Variants in RAPH1 observed in about 807,000 individuals in gnomAD.
RAPH1 encodes ras-associated and pleckstrin homology domains-containing protein 1.
RAPH1 carries 18 observed loss-of-function variants against 88.1 expected under a neutral mutation model. The observed-to-expected ratio is 0.20, with a 90% CI of 0.14 to 0.30. The LOEUF is 0.30. Ranked by LOEUF, RAPH1 falls within the 10% of genes least tolerant of loss-of-function variation. The pLI, the probability that RAPH1 is intolerant of heterozygous loss-of-function variation, is 1.00. For synonymous variants in RAPH1, 587 were observed against 559.0 expected, an observed-to-expected ratio of 1.05 and a Z score of -0.71; for missense variants, 1,448 against 1,543.2, an observed-to-expected ratio of 0.94 and a Z score of 1.03.
chr2:203,503,437 A>G (rs1000036707), intron 1 of RAPH1, among the ~76,000 whole-genome samples: 10 of 152,156 alleles, frequency 6.6e-5, no homozygotes, highest in African/African-American at 2.4e-4. Context: ...AACCCATGAT[A>G]AACCCATCAG....
intron 1 of RAPH1, among the ~76,000 whole-genome samples, chr2:203,518,223 G>T (rs1297969486): frequency 1.3e-5 from 2 of 152,088 alleles, no homozygotes; most frequent in Non-Finnish European, 2.9e-5. Context: ...GAAAATAAAA[G>T]AATACTATAA....
intron 1 of RAPH1, among the ~76,000 whole-genome samples, chr2:203,503,083 G>T (rs1167653915): frequency 6.6e-6 from 1 of 152,216 alleles, no homozygotes; most frequent in East Asian, 1.9e-4. Flanking sequence ...GGTAGAGGTT[G>T]CAGTGAGCCA....
At chr2:203,496,095 C>T (rs1476107050) in intron 1 of RAPH1, among the ~76,000 whole-genome samples, 19 of 152,112 alleles carry the variant, frequency 1.2e-4, no homozygotes, top group African/African-American at 1.9e-4. Flanking sequence ...TGGTGGCTCA[C>T]GCCTGTAATT....
chr2:203,508,729 A>G (rs1245230872), intron 1 of RAPH1, among the ~76,000 whole-genome samples: 1 of 152,176 alleles, frequency 6.6e-6, no homozygotes, highest in Non-Finnish European at 1.5e-5. Flanking sequence ...AAAAAGAAAA[A>G]AGTCTTTACC....
At chr2:203,523,577 A>G (rs566975930) in intron 1 of RAPH1, among the ~76,000 whole-genome samples, 1 of 152,298 alleles carries the variant, frequency 6.6e-6, no homozygotes, top group African/African-American at 2.4e-5. Flanking sequence ...CAAGGAGAAA[A>G]TATGGAAATA....
rs367612228 is a variant in RAPH1 at position 203,440,389 on chromosome 2, G to A, written c.2801C>T (p.Pro934Leu). The A allele has an allele frequency of 1.1e-5, 17 of 1,579,038 alleles. No individual in the cohort carries two copies. The highest frequency in any genetic ancestry group is 1.5e-5 in the Non-Finnish European group (17 of 1,161,962). ...SLVFPPPPPS[P>L]VPAPPPPPPP... ...AGGTGGTGGTGGTGGGGCTGGGACAGGTGATGGGGGTGGAGGAGGAAACAC... is the reference window on the plus strand; with the variant it reads ...AGGTGGTGGTGGTGGGGCTGGGACAAGTGATGGGGGTGGAGGAGGAAACAC... The change falls in exon 14 of 14, where the codon CCT becomes CTT. Residue 934 changes from proline to leucine, a missense_variant. Pro to Leu is a moderately conservative substitution (Grantham distance 98, BLOSUM62 -3). Coordinates refer to ENST00000319170, the MANE Select transcript of RAPH1 (RefSeq NM_213589.3).
At chr2:203,501,952 C>G (rs1271659447) in intron 1 of RAPH1, among the ~76,000 whole-genome samples, 1 of 152,200 alleles carries the variant, frequency 6.6e-6, no homozygotes, top group Non-Finnish European at 1.5e-5. Flanking sequence ...CCTCAGCCTC[C>G]CTGAGTAGCT....
chr2:203,443,147 G>A (rs978247002), intron 13 of RAPH1: 4 of 152,042 alleles, frequency 2.6e-5, no homozygotes, highest in Non-Finnish European at 4.4e-5. Flanking sequence ...TCTTCCCTGC[G>A]GGAGCCCAGT....
At position 203,491,193 on chromosome 2, in the gene RAPH1, T is replaced by G. The variant is rs1284014442; in HGVS notation, c.226+21A>C. ...GTGACTTAGCATACTATTTTACATT[T>G]TATTTCCAATTACATCTTACCATTC... On this transcript the variant is annotated intron_variant, in intron 3 of 13. Coordinates refer to ENST00000319170, the MANE Select transcript of RAPH1 (RefSeq NM_213589.3). The G allele has an allele frequency of 2.0e-6, 3 of 1,518,358 alleles. No homozygotes were observed. In the African/African-American group the frequency reaches 4.1e-5, roughly 21 times the overall value. The allele number at this position is 1,518,358 out of a possible 1,614,324, so 94.1% of individuals were successfully genotyped here.
chr2:203,520,867 T>G (rs1689836380), intron 1 of RAPH1, among the ~76,000 whole-genome samples: 1 of 152,108 alleles, frequency 6.6e-6, no homozygotes, highest in Non-Finnish European at 1.5e-5. Flanking sequence ...GCAATACCAC[T>G]TCTAAGTGTC....
At chr2:203,478,537 T>C (rs889206243) in intron 4 of RAPH1, among the ~76,000 whole-genome samples, 4 of 151,846 alleles carry the variant, frequency 2.6e-5, no homozygotes, top group Admixed American at 2.6e-4. Flanking sequence ...TCGCTCGGGC[T>C]GGACTGCAGT....
chr2:203,506,812 C>CTATATATCTA lies in RAPH1; in HGVS notation c.1-11469_1-11460dup, dbSNP rs1553630464. ...TATATATCTATATATATATCTATAT[C>CTATATATCTA]TATATATCTATATATATATCTATAT... On this transcript the variant is annotated intron_variant, in intron 1 of 13. Transcript: ENST00000319170. Among the ~76,000 whole-genome samples, 43 of 52,216 alleles carry CTATATATCTA rather than the reference C, an allele frequency of 8.2e-4. 4 individuals carry two copies. The highest frequency in any genetic ancestry group is 2.4e-3 in the African/African-American group (23 of 9,396). The allele number at this position is 52,216 out of a possible 152,430, so 34.3% of individuals were successfully genotyped here.
chr2:203,482,238 TACA>T (rs1687763604), intron 4 of RAPH1, among the ~76,000 whole-genome samples: 2 of 152,126 alleles, frequency 1.3e-5, no homozygotes, highest in Non-Finnish European at 2.9e-5. Flanking sequence ...CAGGCTGGAG[TACA>T]GTGGCATCAT....
intron 1 of RAPH1, among the ~76,000 whole-genome samples, chr2:203,517,506 C>G (rs1353486402): frequency 6.6e-6 from 1 of 152,002 alleles, no homozygotes; most frequent in Non-Finnish European, 1.5e-5. Context: ...ATAACACCAT[C>G]AATCACCTGG....
At chr2:203,517,359 C>CAAAAAAAAAA (rs71408943) in intron 1 of RAPH1, among the ~76,000 whole-genome samples, 67 of 32,096 alleles carry the variant, frequency 2.1e-3, no homozygotes, top group East Asian at 3.3e-3. Context: ...CTATGAGAGG[C>CAAAAAAAAAA]AAAAAAAAAA....
intron 4 of RAPH1, among the ~76,000 whole-genome samples, chr2:203,480,465 G>A (rs1054838312): frequency 6.6e-6 from 1 of 152,216 alleles, no homozygotes; most frequent in Non-Finnish European, 1.5e-5. Flanking sequence ...CGAGAATTGC[G>A]TGAACCCAGG....
rs1177514043 is a variant in RAPH1, at chr2:203,506,835, T to G, written c.1-11482A>C. Among the ~76,000 whole-genome samples the G allele has an allele frequency of 3.2e-4, 21 of 65,178 alleles. 1 individual carries two copies. The highest frequency in any genetic ancestry group is 8.7e-4 in the African/African-American group (13 of 15,014). The allele number at this position is 65,178 out of a possible 152,430, so 42.8% of individuals were successfully genotyped here. A position where few individuals can be genotyped will look rare whatever the true frequency, so the allele number is the denominator to read the frequency against. On this transcript the variant is annotated intron_variant, in intron 1 of 13. Coordinates refer to ENST00000319170, the MANE Select transcript of RAPH1 (RefSeq NM_213589.3). Reference sequence around the variant, plus strand: ...ATCTATATATCTATATATATATCTATATCTATATATCTATCTATATCTATA... The same window carrying G: ...ATCTATATATCTATATATATATCTAGATCTATATATCTATCTATATCTATA...
intron 12 of RAPH1, chr2:203,446,500 G>T (rs2098509808): frequency 6.6e-6 from 1 of 152,132 alleles, no homozygotes; most frequent in Non-Finnish European, 1.5e-5. Context: ...GAGGACTTAG[G>T]TAAGCTCTAC....
At chr2:203,512,154 G>A (rs761258463) in intron 1 of RAPH1, among the ~76,000 whole-genome samples, 57 of 151,414 alleles carry the variant, frequency 3.8e-4, no homozygotes, top group Non-Finnish European at 6.8e-4. Context: ...GGCCAGGGGT[G>A]GTGGTGGCTC....
Sources: allele counts gnomAD v4.1 joint callset (sites outside exome capture counted in the v4.1 genomes callset), GRCh38; gene constraint gnomAD v4.1.1; transcripts MANE v1.5; gene names NCBI Gene and HGNC (gene_info 2026-07-23, HGNC 2026-07-21).